The following SGTB variants were observed in gnomAD, a reference collection of about 807,000 sequenced individuals.
SGTB encodes the protein small glutamine rich tetratricopeptide repeat co-chaperone beta.
In SGTB, 19 loss-of-function variants were observed where a neutral mutation model predicts 43.9. The ratio of observed to expected loss-of-function variants is 0.43; its 90% CI spans 0.30 to 0.63. SGTB has a LOEUF of 0.63. Ranked by LOEUF, SGTB falls within the 30% of genes least tolerant of loss-of-function variation. SGTB has a pLI of 0.12. For missense variants in SGTB, 304 were observed against 358.9 expected, an observed-to-expected ratio of 0.85 and a Z score of 1.24; for synonymous variants, 116 against 117.3, an observed-to-expected ratio of 0.99 and a Z score of 0.07.
At chr5:65,705,062 T>C (rs1445348403) in intron 4 of SGTB, among the ~76,000 whole-genome samples, 1 of 152,228 alleles carries the variant, frequency 6.6e-6, no homozygotes, top group Non-Finnish European at 1.5e-5. Flanking sequence ...GTTAATAAAA[T>C]GTCAGCAAAA....
chr5:65,701,496 A>G (rs1402568309), intron 5 of SGTB, among the ~76,000 whole-genome samples: 3 of 152,176 alleles, frequency 2.0e-5, no homozygotes, highest in African/African-American at 7.2e-5. Context: ...TGGACTACAT[A>G]AATTTTTAAA....
At chr5:65,688,611 C>T (rs747785678) in intron 5 of SGTB, among the ~76,000 whole-genome samples, 7 of 152,190 alleles carry the variant, frequency 4.6e-5, no homozygotes, top group Non-Finnish European at 8.8e-5. Context: ...AAAGGCAATA[C>T]TTGCCTTTAG....
At chr5:65,679,321 T>C (rs186877533) in intron 8 of SGTB, among the ~76,000 whole-genome samples, 57 of 152,258 alleles carry the variant, frequency 3.7e-4, no homozygotes, top group Admixed American at 3.3e-3. Context: ...AGAACAACTA[T>C]AATTAAAAAC....
At chr5:65,704,505 C>A in intron 4 of SGTB, 127 bp from the exon 5 acceptor site, 1 of 612,310 alleles carries the variant, frequency 1.6e-6, no homozygotes, top group Non-Finnish European at 2.5e-6. Flanking sequence ...TTCAGTCACA[C>A]TGGAAAAAAT....
chr5:65,708,586 T>G, intron 3 of SGTB, 28 bp from the exon 4 acceptor site: 1 of 1,568,040 alleles, frequency 6.4e-7, no homozygotes, highest in African/African-American at 1.4e-5. Context: ...TCAATGCACT[T>G]CCCTTTAGCT....
At chr5:65,672,321 A>C (rs1757174806) in intron 8 of SGTB, 40 bp from the exon 9 acceptor site, 21 of 1,603,682 alleles carry the variant, frequency 1.3e-5, no homozygotes, top group Non-Finnish European at 1.7e-5. Context: ...AAGGCAGTTA[A>C]TATGTAGGGA....
intron 8 of SGTB, 100 bp downstream of exon 8, chr5:65,680,394 A>G: frequency 8.1e-7 from 1 of 1,229,156 alleles, no homozygotes. Context: ...CTCCACTACA[A>G]CCACCACCAC....
chr5:65,715,028 T>A (rs1579888245), intron 2 of SGTB, among the ~76,000 whole-genome samples: 1 of 152,328 alleles, frequency 6.6e-6, no homozygotes, highest in East Asian at 1.9e-4. Flanking sequence ...TGATTGGGAT[T>A]AGTGAAGTTG....
At chr5:65,710,821 C>T (rs1758029881) in intron 3 of SGTB, among the ~76,000 whole-genome samples, 1 of 152,058 alleles carries the variant, frequency 6.6e-6, no homozygotes, top group Non-Finnish European at 1.5e-5. Flanking sequence ...GAAACCCCGC[C>T]TCTACTAAAA....
At chr5:65,701,507 AC>A (rs1464072683) in intron 5 of SGTB, among the ~76,000 whole-genome samples, 1 of 152,170 alleles carries the variant, frequency 6.6e-6, no homozygotes, top group African/African-American at 2.4e-5. Context: ...AATTTTTAAA[AC>A]TTTTACATAT....
intron 5 of SGTB, among the ~76,000 whole-genome samples, chr5:65,685,905 C>T (rs575998380): frequency 2.0e-5 from 3 of 152,304 alleles, no homozygotes; most frequent in East Asian, 3.9e-4. Context: ...AGTGATATCC[C>T]AGTCCCCTGG....
intron 5 of SGTB, among the ~76,000 whole-genome samples, chr5:65,695,881 T>G (rs975973149): frequency 2.6e-5 from 4 of 152,334 alleles, no homozygotes; most frequent in Non-Finnish European, 5.9e-5. Flanking sequence ...AATATCCTTA[T>G]TTTACAAGTG....
At chr5:65,680,404 C>A (rs1757371703) in intron 8 of SGTB, 90 bp downstream of exon 8, 1 of 1,381,518 alleles carries the variant, frequency 7.2e-7, no homozygotes, top group Non-Finnish European at 1.0e-6. Context: ...ACCACCACCA[C>A]AAAAACTCAC....
intron 2 of SGTB, among the ~76,000 whole-genome samples, chr5:65,719,264 A>G (rs1758207885): frequency 6.6e-6 from 1 of 152,162 alleles, no homozygotes; most frequent in African/African-American, 2.4e-5. Context: ...GTCATTTATT[A>G]AGTTCTTCCA....
At chr5:65,688,539 T>A (rs924275383) in intron 5 of SGTB, among the ~76,000 whole-genome samples, 2 of 152,218 alleles carry the variant, frequency 1.3e-5, no homozygotes, top group East Asian at 3.8e-4. Context: ...GAAAGAACTA[T>A]GTGGTTTTGA....
rs1343398497 is a variant in SGTB, at chr5:65,670,068, A to T, written c.*178T>A. ...TATGTTTTGAGTTTGTTTGTGATAA[A>T]CCTATTGTCTAAACAGATTTATTCT... On this transcript the variant is annotated 3_prime_UTR_variant, in exon 11 of 11. Transcript: ENST00000381007. 4 of 535,070 alleles carry T rather than the reference A, an allele frequency of 7.5e-6. No individual in the cohort carries two copies. The highest frequency in any genetic ancestry group is 1.3e-5 in the Non-Finnish European group (4 of 306,794). 33.1% of individuals were successfully genotyped at this position (535,070 alleles called of 1,614,324 possible).
At chr5:65,704,455 C>T in intron 4 of SGTB, 77 bp from the exon 5 acceptor site, 5 of 1,055,414 alleles carry the variant, frequency 4.7e-6, no homozygotes, top group Non-Finnish European at 6.5e-6. Context: ...ACATTTTAAT[C>T]GTGGAAACTA....
chr5:65,695,132 G>C (rs1263628806), intron 5 of SGTB, among the ~76,000 whole-genome samples: 2 of 152,166 alleles, frequency 1.3e-5, no homozygotes, highest in Non-Finnish European at 2.9e-5. Context: ...AAGCCATTTT[G>C]ATGTCCCTAT....
intron 10 of SGTB, 88 bp from the exon 11 acceptor site, chr5:65,670,445 C>T (rs1757133449): frequency 1.9e-6 from 2 of 1,062,644 alleles, no homozygotes; most frequent in East Asian, 2.4e-5. Context: ...GTAGGAGCTA[C>T]CTAAAGGGGG....
Sources: gnomAD v4.1 joint callset for allele counts (sites outside exome capture counted in the v4.1 genomes callset) on GRCh38, gnomAD v4.1.1 for gene constraint, MANE v1.5 for transcripts, NCBI Gene and HGNC (gene_info 2026-07-23, HGNC 2026-07-21) for gene names.